FGF12: variants seen among roughly 807,000 people sequenced by gnomAD.
The protein encoded by FGF12 is fibroblast growth factor 12.
Under a neutral mutation model 23.6 loss-of-function variants are expected in FGF12, and 14 were observed. The ratio of observed to expected loss-of-function variants is 0.59; its 90% CI spans 0.39 to 0.93. The LOEUF is 0.93. FGF12 is among the 40% of genes least tolerant of loss of function. The probability of loss-of-function intolerance (pLI) is 0.00; values close to 1 mark genes in which losing one functional copy is unlikely to be tolerated. For synonymous variants in FGF12, 62 were observed against 77.3 expected, an observed-to-expected ratio of 0.80 and a Z score of 1.04; for missense variants, 175 against 217.8, an observed-to-expected ratio of 0.80 and a Z score of 1.24.
intron 2 of FGF12, among the ~76,000 whole-genome samples, chr3:192,512,859 T>TATATATATATATATA (rs376386122): frequency 1.7e-5 from 1 of 57,432 alleles, no homozygotes. Context: ...TATATATATA[T>TATATATATATATATA]AACAGGCTAT....
At chr3:192,686,305 G>A (rs995797703) in intron 2 of FGF12, among the ~76,000 whole-genome samples, 1 of 152,106 alleles carries the variant, frequency 6.6e-6, no homozygotes, top group Non-Finnish European at 1.5e-5. Flanking sequence ...CAGGCACAGA[G>A]GCAAGTTTAT....
chr3:192,451,991 T>A (rs1369901977), intron 2 of FGF12, among the ~76,000 whole-genome samples: 2 of 152,204 alleles, frequency 1.3e-5, no homozygotes, highest in East Asian at 3.9e-4. Context: ...AGATTTTTTT[T>A]TCTTTTCCTT....
At chr3:192,632,795 C>G (rs764415578) in intron 2 of FGF12, among the ~76,000 whole-genome samples, 1 of 152,098 alleles carries the variant, frequency 6.6e-6, no homozygotes, top group Admixed American at 6.6e-5. Flanking sequence ...AAAGGGGCAC[C>G]TTAAAACAAC....
At chr3:192,485,920 A>G (rs1245835552) in intron 2 of FGF12, among the ~76,000 whole-genome samples, 2 of 152,184 alleles carry the variant, frequency 1.3e-5, no homozygotes, top group Non-Finnish European at 2.9e-5. Context: ...TTTGTAAATT[A>G]TCTAGTTTCA....
chr3:192,340,056 C>T (rs562455092), intron 3 of FGF12, among the ~76,000 whole-genome samples: 10 of 152,208 alleles, frequency 6.6e-5, no homozygotes, highest in African/African-American at 2.4e-4. Flanking sequence ...GGCACTTTCA[C>T]TCCAATACTG....
intron 2 of FGF12, among the ~76,000 whole-genome samples, chr3:192,463,997 A>G (rs1560118913): frequency 6.6e-6 from 1 of 152,078 alleles, no homozygotes; most frequent in African/African-American, 2.4e-5. Context: ...CTACTCTTAG[A>G]TCAGTGGTTC....
chr3:192,676,773 G>A (rs1717340998), intron 2 of FGF12, among the ~76,000 whole-genome samples: 2 of 152,162 alleles, frequency 1.3e-5, no homozygotes, highest in Non-Finnish European at 2.9e-5. Flanking sequence ...GCAGCAGTGA[G>A]GGCAAGGAAT....
chr3:192,349,523 T>A (rs1201840055), intron 3 of FGF12, among the ~76,000 whole-genome samples: 1 of 152,044 alleles, frequency 6.6e-6, no homozygotes, highest in Non-Finnish European at 1.5e-5. Flanking sequence ...AAGCAATGAC[T>A]CTCTCTCTTA....
chr3:192,297,773 A>G (rs1460610436), intron 4 of FGF12, among the ~76,000 whole-genome samples: 1 of 152,188 alleles, frequency 6.6e-6, no homozygotes, highest in Non-Finnish European at 1.5e-5. Flanking sequence ...TAGAATCTCT[A>G]ACATCCCCAA....
intron 4 of FGF12, among the ~76,000 whole-genome samples, chr3:192,174,184 T>A (rs1715733227): frequency 6.6e-6 from 1 of 152,164 alleles, no homozygotes; most frequent in Admixed American, 6.5e-5. Flanking sequence ...AAAACAACAC[T>A]CTCATTTAAT....
intron 2 of FGF12, among the ~76,000 whole-genome samples, chr3:192,544,823 C>G (rs1275730205): frequency 6.6e-6 from 1 of 152,154 alleles, no homozygotes. Context: ...AGCTTGGGCA[C>G]AGAATCAGGG....
At position 192,200,522 on chromosome 3, in the gene FGF12, G is replaced by A. The variant is rs116216557; in HGVS notation, c.229-29866C>T. Among the ~76,000 whole-genome samples the A allele has an allele frequency of 2.1e-3, 321 of 152,212 alleles. 2 individuals are homozygous for A. The highest frequency in any genetic ancestry group is 7.0e-3 in the African/African-American group (290 of 41,542). Reference sequence around the variant, plus strand: ...CATTAAGAAAGAAACTTTCACGTAGGAAGCCAAATATCCTCCCACATTGTT... The same window carrying A: ...CATTAAGAAAGAAACTTTCACGTAGAAAGCCAAATATCCTCCCACATTGTT... On this transcript the variant is annotated intron_variant, in intron 4 of 5. Coordinates refer to ENST00000445105, the MANE Select transcript of FGF12 (RefSeq NM_004113.6).
intron 2 of FGF12, among the ~76,000 whole-genome samples, chr3:192,666,872 T>TA (rs1716889421): frequency 6.6e-6 from 1 of 151,896 alleles, no homozygotes; most frequent in Non-Finnish European, 1.5e-5. Context: ...CATTAGAGAT[T>TA]AAAGAATACA....
At chr3:192,471,911 T>G (rs1397435757) in intron 2 of FGF12, among the ~76,000 whole-genome samples, 1 of 152,210 alleles carries the variant, frequency 6.6e-6, no homozygotes, top group Non-Finnish European at 1.5e-5. Context: ...TGTAAGCAAC[T>G]GCAACAGAAG....
intron 4 of FGF12, among the ~76,000 whole-genome samples, chr3:192,317,565 G>A (rs1716294630): frequency 6.6e-6 from 1 of 150,720 alleles, no homozygotes; most frequent in South Asian, 2.1e-4. Context: ...CTCAACCACA[G>A]TAGAATAGAA....
chr3:192,636,611 G>A (rs561341020), intron 2 of FGF12, among the ~76,000 whole-genome samples: 11 of 152,200 alleles, frequency 7.2e-5, no homozygotes, highest in Non-Finnish European at 1.5e-4. Flanking sequence ...GTGGGTACAT[G>A]TGTATGTATC....
Position 192,397,156 on chromosome 3 carries a change from A to G in FGF12, c.14-36618T>C, listed in dbSNP as rs76329913. On this transcript the variant is annotated intron_variant, in intron 2 of 5. Transcript: ENST00000445105. The stretch of plus-strand genomic sequence containing the variant: ...TGGTCCTGCTTTTCTCATGACCTGT[A>G]GGTGGAGAGGGAGGAGTAGATAGAA... Among the ~76,000 whole-genome samples the G allele has an allele frequency of 6.6e-4, 101 of 152,310 alleles. 1 individual carries two copies. In the East Asian group the frequency reaches 0.018, roughly 27 times the overall value.
At chr3:192,634,371 A>G (rs1046884262) in intron 2 of FGF12, among the ~76,000 whole-genome samples, 18 of 152,224 alleles carry the variant, frequency 1.2e-4, no homozygotes, top group African/African-American at 4.3e-4. Flanking sequence ...TATAACAATT[A>G]TCTACATAGC....
chr3:192,174,303 GA>G (rs1433351518), intron 4 of FGF12, among the ~76,000 whole-genome samples: 1 of 152,202 alleles, frequency 6.6e-6, no homozygotes, highest in African/African-American at 2.4e-5. Flanking sequence ...CCTGAGCCAG[GA>G]ACCGCATTAG....
Sources: gnomAD v4.1 joint callset for allele counts (sites outside exome capture counted in the v4.1 genomes callset) on GRCh38, gnomAD v4.1.1 for gene constraint, MANE v1.5 for transcripts, NCBI Gene and HGNC (gene_info 2026-07-23, HGNC 2026-07-21) for gene names.